Variants in DNAH10 observed in about 807,000 individuals in gnomAD.
The protein encoded by DNAH10 is dynein axonemal heavy chain 10, also known as axonemal beta dynein heavy chain 10.
A neutral mutation model predicts 506.6 loss-of-function variants in DNAH10; 348 were observed. The observed-to-expected ratio is 0.69, with a 90% CI of 0.63 to 0.75. The LOEUF (loss-of-function observed/expected upper bound fraction) is 0.75. Ranked by LOEUF, DNAH10 falls within the 30% of genes least tolerant of loss-of-function variation. The probability of loss-of-function intolerance (pLI) is 0.00; values close to 1 mark genes in which losing one functional copy is unlikely to be tolerated. For synonymous variants in DNAH10, 2,059 were observed against 2,198.6 expected (o/e 0.94, Z 1.78); for missense variants, 5,179 against 5,787.1 (o/e 0.89, Z 3.41).
In DNAH10 at chr12:123,838,695, C is replaced by A. The variant is rs1471392199; in HGVS notation, c.5136+6C>A. 6.2e-7 allele frequency: 1 copy of A among 1,611,788 alleles called. No homozygotes were observed. ...TCCAGGAGCACATGATCAAGGTCAG[C>A]CCTCTGGGTGTGCAGGGGCTCCCCG... On this transcript the variant is annotated splice_donor_region_variant and intron_variant, in intron 29 of 78. Transcript: ENST00000673944.
intron 51 of DNAH10, 42 bp downstream of exon 51, chr12:123,881,855 G>T: frequency 7.0e-7 from 1 of 1,428,020 alleles, no homozygotes; most frequent in Non-Finnish European, 9.2e-7. Context: ...TACGATGCCA[G>T]TTTCTGCAGT....
chr12:123,800,186 G>A, intron 14 of DNAH10, 30 bp from the exon 15 acceptor site: 2 of 1,607,334 alleles, frequency 1.2e-6, no homozygotes. Flanking sequence ...GGACTGCCCT[G>A]GCCGCGCTGA....
At chr12:123,922,859 A>G (rs976468775) in intron 65 of DNAH10, 3 of 152,132 alleles carry the variant, frequency 2.0e-5, no homozygotes, top group African/African-American at 7.2e-5. Flanking sequence ...TTAATCACCT[A>G]TTTAAAGACC....
At position 123,785,619 on chromosome 12, in the gene DNAH10, C is replaced by G; in HGVS notation, c.1231-127C>G. The G allele has an allele frequency of 3.3e-6, 3 of 904,458 alleles. No individual in the cohort carries two copies. The highest frequency in any genetic ancestry group is 4.9e-5 in the South Asian group (2 of 40,580). 56.0% of individuals were successfully genotyped at this position (904,458 alleles called of 1,614,324 possible). A position where few individuals can be genotyped will look rare whatever the true frequency, so the allele number is the denominator to read the frequency against. On this transcript the variant is annotated intron_variant, in intron 8 of 78. Coordinates refer to ENST00000673944, the MANE Select transcript of DNAH10 (RefSeq NM_001372106.1). This position sits in a 1 kb window ranked among gnomAD's most constrained non-coding sequence, Gnocchi z 4.1. ...GTGCCATTGCACTCCAGCCTGGGCA[C>G]CAGACTTGGTCTCAAGGAAAAAAAA...
chr12:123,810,009 C>T (rs535286393), intron 19 of DNAH10, among the ~76,000 whole-genome samples: 45 of 152,286 alleles, frequency 3.0e-4, no homozygotes, highest in African/African-American at 7.5e-4. Flanking sequence ...TACCACTCTC[C>T]GACCTTTTCT....
chr12:123,820,556 C>T, intron 23 of DNAH10, 24 bp from the exon 24 acceptor site: 1 of 1,605,320 alleles, frequency 6.2e-7, no homozygotes, highest in Non-Finnish European at 8.5e-7. Context: ...TATTTATTCA[C>T]TCATCGGTGT....
chr12:123,814,037 A>G (rs766135815), intron 21 of DNAH10, 125 bp downstream of exon 21: 6 of 891,168 alleles, frequency 6.7e-6, no homozygotes, highest in Non-Finnish European at 9.8e-6. Context: ...TAAGTAATAC[A>G]TTGTAAATGT....
In DNAH10 at chr12:123,838,622, C is replaced by T; in HGVS notation, c.5069C>T (p.Ser1690Phe). 1 of 1,614,012 alleles carries T rather than the reference C, an allele frequency of 6.2e-7. No individual in the cohort carries two copies. The highest frequency in any genetic ancestry group is 8.5e-7 in the Non-Finnish European group (1 of 1,179,890). The change falls in exon 29 of 79, where the codon TCT (serine) becomes TTT (phenylalanine). Residue 1690 changes from serine (S) to phenylalanine (F), a missense_variant. Physicochemically the swap from Ser to Phe is radical, Grantham distance 155. Transcript: ENST00000673944. ...GCTTTCCCAAGGTTCTTCTTCATTT[C>T]TGACGATGAGTTGCTTAGCATTCTG... ...RNAFPRFFFISDDELLSILGS... is the reference protein window; with the variant it reads ...RNAFPRFFFIFDDELLSILGS...
At position 123,762,359 on chromosome 12, in the gene DNAH10, G is replaced by A. The variant is rs991075697; in HGVS notation, c.23G>A (p.Trp8Ter). 60 of 1,362,334 alleles carry A rather than the reference G, an allele frequency of 4.4e-5. 1 individual carries two copies. The highest frequency in any genetic ancestry group is 1.0e-4 in the Admixed American group (3 of 29,844). 84.4% of individuals were successfully genotyped at this position (1,362,334 alleles called of 1,614,324 possible). MDDLRVL[W>*]MRDRVYAAFG... Reference sequence around the variant, plus strand: ...GCCATGGACGACCTGCGGGTGCTGTGGATGCGCGACCGCGTGTATGCGGCT... The same window carrying A: ...GCCATGGACGACCTGCGGGTGCTGTAGATGCGCGACCGCGTGTATGCGGCT... The change falls in exon 1 of 79, where the codon TGG (tryptophan) becomes TAG (stop). Residue 8 changes from tryptophan (W) to a stop codon, truncating the protein, a stop_gained. Transcript: ENST00000673944. LOFTEE classifies it high-confidence loss of function. This position sits in a 1 kb window ranked among gnomAD's most constrained non-coding sequence, Gnocchi z 5.0.
intron 35 of DNAH10, among the ~76,000 whole-genome samples, chr12:123,851,446 T>C (rs1030670834): frequency 6.6e-6 from 1 of 152,186 alleles, no homozygotes; most frequent in Non-Finnish European, 1.5e-5. Context: ...TTTTCTGCTG[T>C]GTCTCTCTTC....
In DNAH10 at chr12:123,853,482, G is replaced by A. The variant is rs775684991; in HGVS notation, c.6438+130G>A. 5.6e-6 allele frequency: 7 copies of A among 1,247,634 alleles called. No individual in the cohort carries two copies. Among genetic ancestry groups the A allele is most frequent in the Non-Finnish European group, 7.4e-6 (7 of 940,252 alleles). The allele number at this position is 1,247,634 out of a possible 1,614,324, so 77.3% of individuals were successfully genotyped here. ...TAAGTCTTAGCTGCCTCTTCACCCC[G>A]CGGTCTGGCCTTACTTTGGCCTCTT... On this transcript the variant is annotated intron_variant, in intron 36 of 78. Transcript: ENST00000673944. The surrounding 1 kb of genome is among the most constrained non-coding windows in gnomAD (Gnocchi z 4.7).
chr12:123,871,477 C>A lies in DNAH10; in HGVS notation c.7660C>A (p.Arg2554=). The A allele has an allele frequency of 6.3e-7, 1 of 1,584,088 alleles. No homozygotes were observed. The highest frequency in any genetic ancestry group is 8.6e-7 in the Non-Finnish European group (1 of 1,163,628). Residue 2554 remains arginine, a synonymous_variant, in exon 45 of 79, where the codon CGG becomes AGG. Transcript: ENST00000673944. ...TTTAGTTCACACAGTGGATACCACT[C>A]GGACTACCTGGATATTGGAACAAAT... ...NILVHTVDTT[R]TTWILEQMVK...
intron 39 of DNAH10, 54 bp from the exon 40 acceptor site, chr12:123,864,541 C>G (rs1215880724): frequency 5.7e-6 from 9 of 1,581,488 alleles, no homozygotes; most frequent in Non-Finnish European, 7.7e-6. Context: ...ATACCAAGTT[C>G]CATAATTGGA....
chr12:123,821,866 C>T (rs556926981), intron 24 of DNAH10, among the ~76,000 whole-genome samples: 12 of 151,762 alleles, frequency 7.9e-5, no homozygotes, highest in African/African-American at 2.4e-4. Flanking sequence ...GCCAGGAGTT[C>T]GAGACTAGCC....
intron 16 of DNAH10, among the ~76,000 whole-genome samples, chr12:123,802,893 T>G (rs1358363265): frequency 6.6e-6 from 1 of 152,200 alleles, no homozygotes; most frequent in Non-Finnish European, 1.5e-5. Flanking sequence ...CGTCTTTTTA[T>G]GTCTTTTGCC....
At chr12:123,763,667 G>A (rs2135939917) in intron 1 of DNAH10, among the ~76,000 whole-genome samples, 1 of 148,084 alleles carries the variant, frequency 6.8e-6, no homozygotes, top group East Asian at 2.0e-4. Flanking sequence ...GGGCTCAAGT[G>A]ATTCTCCCAC....
intron 44 of DNAH10, among the ~76,000 whole-genome samples, chr12:123,870,809 G>T (rs1294610451): frequency 6.6e-6 from 1 of 152,192 alleles, no homozygotes; most frequent in Non-Finnish European, 1.5e-5. Context: ...CACAGAGCTG[G>T]CTGGGTGGGG....
Position 123,785,529 on chromosome 12 carries a change from G to C in DNAH10, c.1231-217G>C, listed in dbSNP as rs1017760831. ...GCATGCCTGTATTCTCAGCTTACTTGGGAGGCTGAGGTGGGAGGATCACTT... is the reference window on the plus strand; with the variant it reads ...GCATGCCTGTATTCTCAGCTTACTTCGGAGGCTGAGGTGGGAGGATCACTT... On this transcript the variant is annotated intron_variant, in intron 8 of 78. Transcript: ENST00000673944. The surrounding 1 kb of genome is among the most constrained non-coding windows in gnomAD (Gnocchi z 4.1). Among the ~76,000 whole-genome samples the C allele has an allele frequency of 9.9e-5, 15 of 151,904 alleles. No homozygotes were observed. Among genetic ancestry groups the C allele is most frequent in the Non-Finnish European group, 1.9e-4 (13 of 68,006 alleles).
In DNAH10 at chr12:123,925,140, T is replaced by C; in HGVS notation, c.11857T>C (p.Cys3953Arg). The change falls in exon 68 of 79, where the codon TGT becomes CGT. Residue 3953 changes from cysteine to arginine, a missense_variant. Cys to Arg is a radical substitution (Grantham distance 180, BLOSUM62 -3). Coordinates refer to ENST00000673944, the MANE Select transcript of DNAH10 (RefSeq NM_001372106.1). The surrounding 1 kb of genome is among the most constrained non-coding windows in gnomAD (Gnocchi z 4.0). ...TTTCCAGAAGTTGCTTATTTTGCGC[T>C]GTTTCCGTGTGGATCGGGTCTATCG... ...TPFQKLLILR[C>R]FRVDRVYRAV... 6.2e-7 allele frequency: 1 copy of C among 1,614,042 alleles called. No individual in the cohort carries two copies. The highest frequency in any genetic ancestry group is 1.6e-4 in the Middle Eastern group (1 of 6,062).
Sources: gnomAD v4.1 joint callset for allele counts (sites outside exome capture counted in the v4.1 genomes callset) on GRCh38, gnomAD v4.1.1 for gene constraint, Gnocchi (gnomAD v3.1) non-coding constraint, MANE v1.5 for transcripts, NCBI Gene and HGNC (gene_info 2026-07-23, HGNC 2026-07-21) for gene names.